Variants in KIF5B observed in about 807,000 individuals in gnomAD.
The protein encoded by KIF5B is kinesin-1 heavy chain.
In KIF5B, 49 loss-of-function variants were observed where a neutral mutation model predicts 132.8. That is an observed-to-expected ratio of 0.37 (90% confidence interval 0.29 to 0.47). The LOEUF is 0.47. KIF5B is among the 20% of genes least tolerant of loss of function. The pLI is 1.00. For synonymous variants in KIF5B, 355 were observed against 369.4 expected (o/e 0.96, Z 0.45); for missense variants, 780 against 1,144.0 (o/e 0.68, Z 4.59).
rs143972930 is a variant in KIF5B, at chr10:32,010,153, C to A, written c.*1384G>T. On this transcript the variant is annotated 3_prime_UTR_variant, in exon 26 of 26. Coordinates refer to ENST00000302418, the MANE Select transcript of KIF5B (RefSeq NM_004521.3). ...AGAACTTTCCAAGTTTCTCTGCTAA[C>A]CTTAAATCCCCATTCTCTGTGAATT... 1.3e-5 allele frequency: 2 copies of A among 152,148 alleles called. No homozygotes were observed. The highest frequency in any genetic ancestry group is 4.8e-5 in the African/African-American group (2 of 41,450). The allele number at this position is 152,148 out of a possible 1,614,324, so 9.4% of individuals were successfully genotyped here.
At chr10:32,028,868 C>T (rs1841364866) in intron 14 of KIF5B, among the ~76,000 whole-genome samples, 1 of 152,084 alleles carries the variant, frequency 6.6e-6, no homozygotes, top group South Asian at 2.1e-4. Flanking sequence ...AATGGGAAGC[C>T]TCAAATTTAA....
intron 2 of KIF5B, 59 bp downstream of exon 2, chr10:32,048,405 A>T: frequency 8.7e-7 from 1 of 1,155,182 alleles, no homozygotes; most frequent in Non-Finnish European, 1.3e-6. Context: ...AGTAAGTAGA[A>T]AAGATCACAA....
chr10:32,040,329 A>G, intron 3 of KIF5B, 55 bp downstream of exon 3: 1 of 997,042 alleles, frequency 1.0e-6, no homozygotes, highest in Non-Finnish European at 1.6e-6. Flanking sequence ...TATCACAAAT[A>G]ATGAATGCTG....
intron 12 of KIF5B, among the ~76,000 whole-genome samples, chr10:32,033,096 CTAT>C (rs1841421456): frequency 6.6e-6 from 1 of 152,134 alleles, no homozygotes. Context: ...TCTTAGTTTG[CTAT>C]TATTCATACT....
intron 23 of KIF5B, among the ~76,000 whole-genome samples, chr10:32,017,686 T>C (rs1232019596): frequency 1.3e-5 from 2 of 152,230 alleles, no homozygotes; most frequent in Non-Finnish European, 2.9e-5. Context: ...TGCGTCATTA[T>C]GTCTGACACA....
intron 15 of KIF5B, among the ~76,000 whole-genome samples, chr10:32,026,458 A>AAAAAAAC: frequency 6.7e-6 from 1 of 150,208 alleles, no homozygotes; most frequent in Non-Finnish European, 1.5e-5. Context: ...AAAAAAAAAA[A>AAAAAAAC]AAAGTAACGC....
At chr10:32,034,080 T>A in intron 11 of KIF5B, 42 bp from the exon 12 acceptor site, 1 of 1,187,892 alleles carries the variant, frequency 8.4e-7, no homozygotes, top group Non-Finnish European at 1.2e-6. Context: ...AAACGACGTC[T>A]AAAGCTAATT....
At position 32,035,581 on chromosome 10, in the gene KIF5B, G is replaced by A. The variant is rs1171951791; in HGVS notation, c.903C>T (p.Cys301=). 1 of 1,613,034 alleles carries A rather than the reference G, an allele frequency of 6.2e-7. No individual in the cohort carries two copies. Among genetic ancestry groups the A allele is most frequent in the Non-Finnish European group, 8.5e-7 (1 of 1,179,226 alleles). Residue 301 remains cysteine, a synonymous_variant, in exon 10 of 26, where the codon TGC becomes TGT. Transcript: ENST00000302418. ...GGNCRTTIVI[C]CSPSSYNESE... ...ACTCATTGTATGATGATGGAGAGCA[G>A]CAAATTACAATAGTGGTTCTACAGT...
At chr10:32,014,850 C>T (rs1351582725) in intron 25 of KIF5B, among the ~76,000 whole-genome samples, 2 of 152,174 alleles carry the variant, frequency 1.3e-5, no homozygotes, top group African/African-American at 2.4e-5. Context: ...AGGTCGGGCG[C>T]GGTGGCTCAC....
At chr10:32,030,181 G>A (rs1469248125) in intron 14 of KIF5B, among the ~76,000 whole-genome samples, 1 of 152,164 alleles carries the variant, frequency 6.6e-6, no homozygotes, top group Non-Finnish European at 1.5e-5. Context: ...ATTGTTGGAG[G>A]TTGGCGATGT....
chr10:32,024,776 A>C (rs1383604748), intron 15 of KIF5B, among the ~76,000 whole-genome samples: 2 of 150,260 alleles, frequency 1.3e-5, no homozygotes, highest in Non-Finnish European at 3.0e-5. Flanking sequence ...AAATAAAACA[A>C]AACAAAACTC....
chr10:32,051,119 T>G (rs1309503541), intron 1 of KIF5B, among the ~76,000 whole-genome samples: 1 of 152,234 alleles, frequency 6.6e-6, no homozygotes, highest in Non-Finnish European at 1.5e-5. Flanking sequence ...GTTATACACT[T>G]GGATCTAATA....
At chr10:32,024,633 T>C (rs189467199) in intron 15 of KIF5B, among the ~76,000 whole-genome samples, 101 of 151,332 alleles carry the variant, frequency 6.7e-4, no homozygotes, top group African/African-American at 2.4e-3. Context: ...GGTGTGGTAG[T>C]GGGAGCCTGT....
chr10:32,056,260 T>C lies in KIF5B; in HGVS notation c.-287A>G, dbSNP rs1407926467. The C allele has an allele frequency of 7.7e-6, 3 of 389,422 alleles. No homozygotes were observed. Among genetic ancestry groups the C allele is most frequent in the Non-Finnish European group, 1.4e-5 (3 of 216,940 alleles). The allele number at this position is 389,422 out of a possible 1,614,324, so 24.1% of individuals were successfully genotyped here. ...TCCGCGGCTCCTCAGCGTCCCCCTT[T>C]ACGGTCTGGGCGGACTGCGGGGGCT... is the stretch of plus-strand genomic sequence containing the variant. On this transcript the variant is annotated 5_prime_UTR_variant, in exon 1 of 26. Transcript: ENST00000302418.
chr10:32,019,405 A>T (rs546361886), intron 20 of KIF5B, among the ~76,000 whole-genome samples: 6 of 152,336 alleles, frequency 3.9e-5, no homozygotes, highest in Admixed American at 1.3e-4. Context: ...TAGAAAACTG[A>T]GTTTTGAGAA....
In KIF5B at chr10:32,011,189, A is replaced by T. The variant is rs1841074703; in HGVS notation, c.*348T>A. The T allele has an allele frequency of 6.6e-6, 1 of 152,630 alleles. No individual in the cohort carries two copies. Among genetic ancestry groups the T allele is most frequent in the Non-Finnish European group, 1.5e-5 (1 of 68,022 alleles). The allele number at this position is 152,630 out of a possible 1,614,324, so 9.5% of individuals were successfully genotyped here. ...ATTAAAAAATAAACATACACAAAAA[A>T]TACAAAAAGTACAGTCCTATAAGGT... On this transcript the variant is annotated 3_prime_UTR_variant, in exon 26 of 26. Transcript: ENST00000302418.
In KIF5B at chr10:32,055,552, G is replaced by T. The variant is rs149441775; in HGVS notation, c.126+296C>A. On this transcript the variant is annotated intron_variant, in intron 1 of 25. Transcript: ENST00000302418. ...CACACACACACACACGCAGACAAAC[G>T]TGCACTGAACTTGCTGCCCGGACGT... Among the ~76,000 whole-genome samples the T allele has an allele frequency of 3.3e-4, 50 of 151,804 alleles. No individual in the cohort carries two copies. In the East Asian group the frequency reaches 9.3e-3, roughly 28 times the overall value.
chr10:32,055,493 C>G (rs771310532), intron 1 of KIF5B, among the ~76,000 whole-genome samples: 3 of 150,518 alleles, frequency 2.0e-5, no homozygotes, highest in Non-Finnish European at 4.4e-5. Context: ...GGGGTTAATC[C>G]AAAACACCAA....
At chr10:32,017,666 A>G (rs1288470095) in intron 23 of KIF5B, among the ~76,000 whole-genome samples, 3 of 152,208 alleles carry the variant, frequency 2.0e-5, no homozygotes, top group African/African-American at 7.2e-5. Flanking sequence ...TAATCTGGTT[A>G]AATGAAAACT....
Sources: gnomAD v4.1 joint callset for allele counts (sites outside exome capture counted in the v4.1 genomes callset) on GRCh38, gnomAD v4.1.1 for gene constraint, MANE v1.5 for transcripts, NCBI Gene and HGNC (gene_info 2026-07-23, HGNC 2026-07-21) for gene names.